Variants in TPST1 observed in about 807,000 individuals in gnomAD.
The protein encoded by TPST1 is protein-tyrosine sulfotransferase 1.
TPST1 carries 20 observed loss-of-function variants against 34.8 expected under a neutral mutation model. The observed-to-expected ratio is 0.57, with a 90% CI of 0.40 to 0.84. The LOEUF (loss-of-function observed/expected upper bound fraction) is 0.84, where lower values mean the gene tolerates loss of function less well. TPST1 is among the 40% of genes least tolerant of loss of function. The pLI is 0.00. For missense variants in TPST1, 353 were observed against 455.5 expected (o/e 0.78, Z 2.05); for synonymous variants, 152 against 159.4 (o/e 0.95, Z 0.35).
rs1791043385 is a variant in TPST1 at position 66,286,704 on chromosome 7, C to T, written c.1039C>T (p.Arg347Ter). The change falls in exon 3 of 6, where the codon CGA (arginine) becomes TGA (stop). Residue 347 changes from arginine (R) to a stop codon, truncating the protein, a stop_gained. Transcript: ENST00000304842. LOFTEE classifies it high-confidence loss of function. ...KPDPKIIENT[R>*]RVYKGEFQLP... ...TGATCCCAAAATTATTGAAAACACT[C>T]GAAGGGTAAGTGAGATTTTTTAAAG... 5 of 1,550,194 alleles carry T rather than the reference C, an allele frequency of 3.2e-6. No individual in the cohort carries two copies. Among genetic ancestry groups the T allele is most frequent in the Non-Finnish European group, 4.4e-6 (5 of 1,145,540 alleles).
intron 3 of TPST1, among the ~76,000 whole-genome samples, chr7:66,322,271 CT>C (rs1269101412): frequency 6.6e-6 from 1 of 152,294 alleles, no homozygotes; most frequent in African/African-American, 2.4e-5. Flanking sequence ...AAAATACTCT[CT>C]TAAAGATTTA....
chr7:66,354,386 G>C (rs1466368338), intron 4 of TPST1, among the ~76,000 whole-genome samples: 1 of 151,784 alleles, frequency 6.6e-6, no homozygotes, highest in Non-Finnish European at 1.5e-5. Flanking sequence ...TGGGTGGATT[G>C]CCTGAGGTCA....
intron 2 of TPST1, among the ~76,000 whole-genome samples, chr7:66,243,285 C>T (rs541830924): frequency 6.6e-6 from 1 of 152,102 alleles, no homozygotes; most frequent in East Asian, 1.9e-4. Flanking sequence ...ACATCTTTAC[C>T]AACACTTGGT....
At chr7:66,321,535 T>C (rs1791757874) in intron 3 of TPST1, among the ~76,000 whole-genome samples, 1 of 152,230 alleles carries the variant, frequency 6.6e-6, no homozygotes, top group Admixed American at 6.5e-5. Flanking sequence ...CAATAGCCAG[T>C]CCTGAAAACA....
intron 2 of TPST1, among the ~76,000 whole-genome samples, chr7:66,256,365 C>T (rs1329851695): frequency 1.3e-5 from 2 of 152,150 alleles, no homozygotes; most frequent in African/African-American, 4.8e-5. Flanking sequence ...AAACAACAAA[C>T]ATAAAAGTTT....
At chr7:66,329,480 C>T (rs565290525) in intron 3 of TPST1, among the ~76,000 whole-genome samples, 39 of 152,054 alleles carry the variant, frequency 2.6e-4, no homozygotes, top group Middle Eastern at 3.4e-3. Flanking sequence ...GCTTCCTCAG[C>T]GCATATCCCT....
At chr7:66,354,674 TA>T (rs1370154800) in intron 4 of TPST1, among the ~76,000 whole-genome samples, 1 of 151,494 alleles carries the variant, frequency 6.6e-6, no homozygotes, top group Non-Finnish European at 1.5e-5. Context: ...ATTGCACACC[TA>T]AATGTGAAAG....
chr7:66,350,535 A>AC (rs1256350215), intron 3 of TPST1, among the ~76,000 whole-genome samples: 1 of 148,190 alleles, frequency 6.7e-6, no homozygotes, highest in East Asian at 1.9e-4. Context: ...ACGGAGAACA[A>AC]AAAAAAAAAA....
chr7:66,270,466 T>G (rs996296190), intron 2 of TPST1, among the ~76,000 whole-genome samples: 8 of 152,210 alleles, frequency 5.3e-5, no homozygotes, highest in African/African-American at 1.7e-4. Flanking sequence ...TTGGCACCTT[T>G]AGAAATCACT....
At chr7:66,322,341 AC>A (rs1455269627) in intron 3 of TPST1, among the ~76,000 whole-genome samples, 2 of 152,226 alleles carry the variant, frequency 1.3e-5, no homozygotes, top group Admixed American at 1.3e-4. Context: ...AGATTCAGAA[AC>A]TTTTTATCTT....
chr7:66,320,893 C>T (rs917605538), intron 3 of TPST1, among the ~76,000 whole-genome samples: 34 of 152,164 alleles, frequency 2.2e-4, no homozygotes, highest in Admixed American at 3.9e-4. Flanking sequence ...CCACCGTGCC[C>T]GGCCTTGTTC....
chr7:66,243,177 G>A (rs1166310545), intron 2 of TPST1, among the ~76,000 whole-genome samples: 1 of 148,938 alleles, frequency 6.7e-6, no homozygotes, highest in Non-Finnish European at 1.5e-5. Flanking sequence ...GTTTGTGTGT[G>A]TGTGTGTGTG....
chr7:66,250,086 A>C (rs1790232332), intron 2 of TPST1, among the ~76,000 whole-genome samples: 1 of 152,186 alleles, frequency 6.6e-6, no homozygotes, highest in Non-Finnish European at 1.5e-5. Context: ...CTTATCTATA[A>C]AACAGGGAAG....
At chr7:66,281,487 G>A (rs1037335060) in intron 2 of TPST1, among the ~76,000 whole-genome samples, 1 of 152,004 alleles carries the variant, frequency 6.6e-6, no homozygotes, top group Non-Finnish European at 1.5e-5. Context: ...AGGTTTTTTA[G>A]TACTAATTCA....
intron 2 of TPST1, among the ~76,000 whole-genome samples, chr7:66,264,656 A>G (rs1241592712): frequency 6.6e-6 from 1 of 152,234 alleles, no homozygotes; most frequent in Non-Finnish European, 1.5e-5. Flanking sequence ...AACAACTACA[A>G]CAATAAGCAG....
At chr7:66,260,446 G>T (rs186685739) in intron 2 of TPST1, among the ~76,000 whole-genome samples, 1 of 152,266 alleles carries the variant, frequency 6.6e-6, no homozygotes, top group East Asian at 1.9e-4. Context: ...ACGTGTACTT[G>T]AATGACTGTA....
At chr7:66,356,660 A>G (rs1792588328) in intron 4 of TPST1, among the ~76,000 whole-genome samples, 165 bp from the exon 5 acceptor site, 1 of 152,246 alleles carries the variant, frequency 6.6e-6, no homozygotes, top group Non-Finnish European at 1.5e-5. Context: ...CCCAGGAACC[A>G]GGGGGAAAGG....
intron 1 of TPST1, among the ~76,000 whole-genome samples, chr7:66,231,523 C>T (rs964632938): frequency 3.9e-5 from 6 of 152,238 alleles, no homozygotes; most frequent in Non-Finnish European, 8.8e-5. Flanking sequence ...GCAGCTAAGT[C>T]CCAGCTAAGG....
intron 3 of TPST1, among the ~76,000 whole-genome samples, chr7:66,294,580 G>T (rs1791153522): frequency 1.3e-5 from 2 of 150,474 alleles, no homozygotes; most frequent in South Asian, 2.1e-4. Flanking sequence ...AACAATAATC[G>T]CTATCCTCTT....
Sources: gnomAD v4.1 joint callset for allele counts (sites outside exome capture counted in the v4.1 genomes callset) on GRCh38, gnomAD v4.1.1 for gene constraint, MANE v1.5 for transcripts, NCBI Gene and HGNC (gene_info 2026-07-23, HGNC 2026-07-21) for gene names.